NPSR1: variants seen among roughly 807,000 people sequenced by gnomAD.
NPSR1 encodes neuropeptide S receptor.
NPSR1 carries 48 observed loss-of-function variants against 46.9 expected under a neutral mutation model. That is an observed-to-expected ratio of 1.02 (90% CI 0.81 to 1.30). The LOEUF is 1.30. NPSR1 is among the 50% of genes most tolerant of loss of function. The pLI is 0.00. For synonymous variants in NPSR1, 176 were observed against 168.1 expected, an observed-to-expected ratio of 1.05 and a Z score of -0.36; for missense variants, 450 against 449.5, an observed-to-expected ratio of 1.00 and a Z score of -0.01.
intron 3 of NPSR1, 61 bp downstream of exon 3, chr7:34,778,626 A>C (rs1282693729): frequency 9.3e-7 from 1 of 1,074,822 alleles, no homozygotes; most frequent in African/African-American, 1.6e-5. Context: ...TTTTAGATTT[A>C]TCTAAGGAAA....
intron 2 of NPSR1, among the ~76,000 whole-genome samples, chr7:34,709,559 C>A (rs564412614): frequency 1.3e-5 from 2 of 152,244 alleles, no homozygotes; most frequent in African/African-American, 2.4e-5. Flanking sequence ...TAGAGCCCAC[C>A]AGCCCCAGAC....
In NPSR1 at chr7:34,725,838, G is replaced by A. The variant is rs372389909; in HGVS notation, c.280+41154G>A. 2.0e-5 allele frequency among the ~76,000 whole-genome samples: 3 copies of A among 152,208 alleles called. No homozygotes were observed. In the East Asian group the frequency reaches 5.8e-4, roughly 29 times the overall value. ...ATAATCTCCACGTGTCAAGGGTGGT[G>A]CCGGGTGGAGATAATTAAATCATGG... On this transcript the variant is annotated intron_variant, in intron 2 of 8. Coordinates refer to ENST00000360581, the MANE Select transcript of NPSR1 (RefSeq NM_207172.2).
intron 2 of NPSR1, among the ~76,000 whole-genome samples, chr7:34,756,278 C>G (rs1362767654): frequency 6.6e-6 from 1 of 152,166 alleles, no homozygotes; most frequent in Non-Finnish European, 1.5e-5. Context: ...GAATCTGTTC[C>G]CATCTGGCAC....
At chr7:34,845,659 A>T (rs1249188882) in intron 7 of NPSR1, 8 of 450,574 alleles carry the variant, frequency 1.8e-5, no homozygotes, top group African/African-American at 1.4e-4. Context: ...TCTACCTCAC[A>T]CTACAGGATA....
At chr7:34,869,579 GT>G (rs1791402466) in intron 8 of NPSR1, among the ~76,000 whole-genome samples, 1 of 151,660 alleles carries the variant, frequency 6.6e-6, no homozygotes, top group Admixed American at 6.6e-5. Flanking sequence ...CTCTAGCAAT[GT>G]TCCCGGACTT....
chr7:34,865,799 C>T (rs1328360631), intron 8 of NPSR1, among the ~76,000 whole-genome samples: 3 of 151,678 alleles, frequency 2.0e-5, no homozygotes, highest in East Asian at 1.9e-4. Flanking sequence ...CCTTCTTGAC[C>T]TCTCTCCCCA....
At chr7:34,725,755 T>C (rs1020118042) in intron 2 of NPSR1, among the ~76,000 whole-genome samples, 2 of 152,160 alleles carry the variant, frequency 1.3e-5, no homozygotes, top group Admixed American at 1.3e-4. Context: ...AGACATCGGA[T>C]AAAGGACTAT....
intron 7 of NPSR1, among the ~76,000 whole-genome samples, chr7:34,847,893 T>C (rs908347070): frequency 2.6e-5 from 4 of 152,198 alleles, no homozygotes; most frequent in African/African-American, 9.7e-5. Context: ...TTTGAGAATT[T>C]GGGGCCAAAT....
intron 2 of NPSR1, among the ~76,000 whole-genome samples, chr7:34,769,543 T>G (rs1786581381): frequency 6.6e-6 from 1 of 152,216 alleles, no homozygotes; most frequent in African/African-American, 2.4e-5. Context: ...TATTTAGGCT[T>G]CAGCAATAAC....
intron 8 of NPSR1, among the ~76,000 whole-genome samples, chr7:34,867,395 C>CCT (rs1237644322): frequency 6.6e-6 from 1 of 151,880 alleles, no homozygotes; most frequent in African/African-American, 2.4e-5. Context: ...TCTCATTGCG[C>CCT]CTCCTGTTTC....
At chr7:34,870,823 C>G (rs1296695908) in intron 8 of NPSR1, among the ~76,000 whole-genome samples, 2 of 151,500 alleles carry the variant, frequency 1.3e-5, no homozygotes, top group Non-Finnish European at 2.9e-5. Flanking sequence ...CATGAAAAAA[C>G]AGGGTGGCCT....
chr7:34,776,651 T>G (rs947517406), intron 2 of NPSR1, among the ~76,000 whole-genome samples: 9 of 152,182 alleles, frequency 5.9e-5, no homozygotes, highest in Non-Finnish European at 1.3e-4. Flanking sequence ...TCCCTTTTGT[T>G]TTTTCAATCC....
chr7:34,773,071 G>A (rs1021101158), intron 2 of NPSR1, among the ~76,000 whole-genome samples: 3 of 152,152 alleles, frequency 2.0e-5, no homozygotes, highest in African/African-American at 4.8e-5. Flanking sequence ...ATGAAGAAGT[G>A]CAAAGCCCGT....
rs868347962 is a variant in NPSR1, at chr7:34,686,977, A to C, written c.280+2293A>C. 2.3e-3 allele frequency among the ~76,000 whole-genome samples: 346 copies of C among 151,300 alleles called. 3 individuals are homozygous for C. The highest frequency in any genetic ancestry group is 6.8e-3 in the Middle Eastern group (2 of 294). ...CTCCGTCTCAAAAAAAAAAAAAAAA[A>C]AAAAGAAATGTCTCAGTTTTACCTT... On this transcript the variant is annotated intron_variant, in intron 2 of 8. Coordinates refer to ENST00000360581, the MANE Select transcript of NPSR1 (RefSeq NM_207172.2).
chr7:34,755,802 G>A (rs324966), intron 2 of NPSR1, among the ~76,000 whole-genome samples: 49,774 of 151,514 alleles, frequency 0.33, 8,259 homozygotes, highest in African/African-American at 0.38. Context: ...AAAAATAATA[G>A]TAATAGCTAG....
chr7:34,688,990 G>A (rs909593345), intron 2 of NPSR1, among the ~76,000 whole-genome samples: 1 of 152,196 alleles, frequency 6.6e-6, no homozygotes, highest in Non-Finnish European at 1.5e-5. Flanking sequence ...GGACAGTGGA[G>A]GTTTCCAGAC....
rs869140156 is a variant in NPSR1, at chr7:34,678,218, CTTTTTTTTTTTTT to C, written c.148-6322_148-6310del. Among the ~76,000 whole-genome samples the C allele has an allele frequency of 2.7e-4, 27 of 100,698 alleles. No homozygotes were observed. In the East Asian group the frequency reaches 2.9e-3, roughly 11 times the overall value. 66.1% of individuals were successfully genotyped at this position (100,698 alleles called of 152,430 possible). ...GGATATGATACAAGGCTTTGCAATTCTTTTTTTTTTTTTTTTTTTTTTTTGACAGAGTCTCATT... is the reference window on the plus strand; with the variant it reads ...GGATATGATACAAGGCTTTGCAATTCTTTTTTTTTTTGACAGAGTCTCATT... On this transcript the variant is annotated intron_variant, in intron 1 of 8. Transcript: ENST00000360581.
At chr7:34,721,458 T>C (rs10225759) in intron 2 of NPSR1, among the ~76,000 whole-genome samples, 21,916 of 152,134 alleles carry the variant, frequency 0.14, 2,086 homozygotes, top group East Asian at 0.34. Context: ...TCAAGCACAG[T>C]AATTAGAACG....
intron 3 of NPSR1, among the ~76,000 whole-genome samples, chr7:34,795,037 T>C (rs577178239): frequency 5.3e-5 from 8 of 151,978 alleles, no homozygotes; most frequent in African/African-American, 1.7e-4. Context: ...AGACCCTATC[T>C]CTTAAAAAAA....
Sources: gnomAD v4.1 joint callset for allele counts (sites outside exome capture counted in the v4.1 genomes callset) on GRCh38, gnomAD v4.1.1 for gene constraint, MANE v1.5 for transcripts, NCBI Gene and HGNC (gene_info 2026-07-23, HGNC 2026-07-21) for gene names.